Variants in TM9SF3 observed in about 807,000 individuals in gnomAD.
TM9SF3 encodes transmembrane 9 superfamily member 3.
TM9SF3 carries 14 observed loss-of-function variants against 78.6 expected under a neutral mutation model. That is an observed-to-expected ratio of 0.18 (90% confidence interval 0.12 to 0.28). The LOEUF is 0.28. Among genes scored for constraint, TM9SF3 ranks in the 10% least tolerant of loss-of-function variants. The pLI is 1.00. For synonymous variants in TM9SF3, 231 were observed against 241.7 expected (o/e 0.96, Z 0.41); for missense variants, 496 against 721.9 (o/e 0.69, Z 3.59).
intron 2 of TM9SF3, among the ~76,000 whole-genome samples, chr10:96,566,859 G>A (rs1441500205): frequency 1.3e-5 from 2 of 152,160 alleles, no homozygotes; most frequent in African/African-American, 4.8e-5. Context: ...AAGGTAGCAG[G>A]CAACTGCAGC....
At chr10:96,530,933 A>G (rs1437736153) in intron 10 of TM9SF3, among the ~76,000 whole-genome samples, 1 of 152,224 alleles carries the variant, frequency 6.6e-6, no homozygotes, top group African/African-American at 2.4e-5. Flanking sequence ...TTAGAACTCT[A>G]CAGGCATTTA....
At chr10:96,572,238 A>T (rs1402118416) in intron 2 of TM9SF3, among the ~76,000 whole-genome samples, 2 of 152,150 alleles carry the variant, frequency 1.3e-5, no homozygotes, top group East Asian at 3.8e-4. Context: ...AATGCTCTAC[A>T]TGCATTCTCA....
At position 96,518,893 on chromosome 10, in the gene TM9SF3, T is replaced by C. The variant is rs1847726236; in HGVS notation, c.*3370A>G. On this transcript the variant is annotated 3_prime_UTR_variant, in exon 15 of 15. Transcript: ENST00000371142. ...TTTTAGTGAAGATATAAAACATTAA[T>C]GAATACTTGTGTTTTAATACATCAC... 1 of 152,088 alleles carries C rather than the reference T, an allele frequency of 6.6e-6. No individual in the cohort carries two copies. The highest frequency in any genetic ancestry group is 2.1e-4 in the South Asian group (1 of 4,832). 9.4% of individuals were successfully genotyped at this position (152,088 alleles called of 1,614,324 possible).
intron 9 of TM9SF3, among the ~76,000 whole-genome samples, chr10:96,535,554 G>A (rs541691846): frequency 3.7e-4 from 57 of 152,020 alleles, no homozygotes; most frequent in African/African-American, 1.3e-3. Flanking sequence ...TTTCTATCTG[G>A]GCTTCCACAT....
Position 96,544,179 on chromosome 10 carries a change from A to G in TM9SF3, c.1082T>C (p.Ile361Thr), listed in dbSNP as rs199687837. 3 of 1,609,254 alleles carry G rather than the reference A, an allele frequency of 1.9e-6. No homozygotes were observed. The highest frequency in any genetic ancestry group is 8.5e-7 in the Non-Finnish European group (1 of 1,177,696). The change falls in exon 9 of 15, where the codon ATT becomes ACT. Residue 361 changes from isoleucine to threonine, a missense_variant. Transcript: ENST00000371142. The stretch of plus-strand genomic sequence containing the variant: ...CATAGCTGGGATAAGGAATGCCCCA[A>G]TAAACATCTGCTTTATCCATCTCCT... ...GGRRWIKQMF[I>T]GAFLIPAMVC...
chr10:96,584,076 C>A (rs1451810966), intron 1 of TM9SF3, among the ~76,000 whole-genome samples: 2 of 152,016 alleles, frequency 1.3e-5, no homozygotes, highest in African/African-American at 4.8e-5. Flanking sequence ...CAGTGCATAG[C>A]CCATTTTACT....
Position 96,541,117 on chromosome 10 carries a change from C to T in TM9SF3, c.1185+2959G>A, listed in dbSNP as rs540050085. Reference sequence around the variant, plus strand: ...GGTGATTAGTTCCCATGCTAACCTGCCTCTGTGAGTTTTAAAACTCTGTAA... The same window carrying T: ...GGTGATTAGTTCCCATGCTAACCTGTCTCTGTGAGTTTTAAAACTCTGTAA... On this transcript the variant is annotated intron_variant, in intron 9 of 14. Coordinates refer to ENST00000371142, the MANE Select transcript of TM9SF3 (RefSeq NM_020123.4). 3.9e-5 allele frequency among the ~76,000 whole-genome samples: 6 copies of T among 152,126 alleles called. No individual in the cohort carries two copies. In the East Asian group the frequency reaches 1.2e-3, roughly 29 times the overall value.
intron 3 of TM9SF3, among the ~76,000 whole-genome samples, chr10:96,563,310 A>C (rs533891532): frequency 1.1e-4 from 16 of 152,256 alleles, no homozygotes; most frequent in African/African-American, 3.1e-4. Flanking sequence ...TCCTGGCCTT[A>C]GCTTCTCAAA....
chr10:96,563,810 G>A (rs912249801), intron 3 of TM9SF3, among the ~76,000 whole-genome samples: 3 of 151,646 alleles, frequency 2.0e-5, no homozygotes, highest in Non-Finnish European at 2.9e-5. Flanking sequence ...TTTACCCCAC[G>A]AAAAGTCAGG....
At position 96,528,116 on chromosome 10, in the gene TM9SF3, G is replaced by A. The variant is rs935239318; in HGVS notation, c.1456C>T (p.Leu486=). ...ACAATGCACAGGATAACCAGCACCA[G>A]CATCATGAAGCCATAGACATAATAG... is the stretch of plus-strand genomic sequence containing the variant. ...KIYYVYGFMM[L]VLVILCIVTV... Residue 486 remains leucine, a synonymous_variant, in exon 12 of 15, where the codon CTG becomes TTG. Transcript: ENST00000371142. The A allele has an allele frequency of 1.2e-6, 2 of 1,612,830 alleles. No individual in the cohort carries two copies. Among genetic ancestry groups the A allele is most frequent in the African/African-American group, 2.7e-5 (2 of 74,938 alleles).
rs553665521 is a variant in TM9SF3, at chr10:96,535,556, C to T, written c.1186-2366G>A. On this transcript the variant is annotated intron_variant, in intron 9 of 14. Coordinates refer to ENST00000371142, the MANE Select transcript of TM9SF3 (RefSeq NM_020123.4). ...TCCTTGTATCTGTTTTCTATCTGGG[C>T]TTCCACATTATTTTGGAATGAAATT... Among the ~76,000 whole-genome samples, 7 of 152,292 alleles carry T rather than the reference C, an allele frequency of 4.6e-5. No individual in the cohort carries two copies. In the South Asian group the frequency reaches 1.5e-3, roughly 32 times the overall value.
At chr10:96,564,765 A>T (rs1589459185) in intron 3 of TM9SF3, among the ~76,000 whole-genome samples, 1 of 152,332 alleles carries the variant, frequency 6.6e-6, no homozygotes, top group Non-Finnish European at 1.5e-5. Flanking sequence ...AATTTAATCA[A>T]GTCCAACATA....
chr10:96,585,385 A>G (rs1848617810), intron 1 of TM9SF3, among the ~76,000 whole-genome samples: 2 of 152,224 alleles, frequency 1.3e-5, no homozygotes, highest in Non-Finnish European at 2.9e-5. Context: ...AAACTTTGAG[A>G]CAGCTTATCT....
At chr10:96,579,643 C>A (rs1299084562) in intron 1 of TM9SF3, among the ~76,000 whole-genome samples, 1 of 152,154 alleles carries the variant, frequency 6.6e-6, no homozygotes, top group Non-Finnish European at 1.5e-5. Flanking sequence ...GTCTAAGATT[C>A]TTTCTGGGAA....
chr10:96,565,369 G>A lies in TM9SF3; in HGVS notation c.356C>T (p.Ala119Val). 3 of 1,561,778 alleles carry A rather than the reference G, an allele frequency of 1.9e-6. No homozygotes were observed. Among genetic ancestry groups the A allele is most frequent in the East Asian group, 2.5e-5 (1 of 40,748 alleles). ...ATGATTTTTTATGGCATATACAAAT[G>A]CATCTCTCTTTTCTTTATCTAAATC... ...EIDLDKEKRD[A>V]FVYAIKNHYW... Residue 119 changes from alanine (A) to valine (V), a missense_variant, in exon 3 of 15, where the codon GCA becomes GTA. This residue lies in a region of TM9SF3 where 155 missense variants were observed against 241.6 expected (regional missense o/e 0.64). Coordinates refer to ENST00000371142, the MANE Select transcript of TM9SF3 (RefSeq NM_020123.4).
chr10:96,527,674 A>G, intron 12 of TM9SF3, 178 bp from the exon 13 acceptor site: 3 of 562,820 alleles, frequency 5.3e-6, no homozygotes, highest in Non-Finnish European at 9.1e-6. Context: ...TAAGAATTAG[A>G]AAGCTCAATC....
intron 5 of TM9SF3, among the ~76,000 whole-genome samples, chr10:96,553,534 T>C (rs894799314): frequency 3.3e-5 from 5 of 152,176 alleles, no homozygotes; most frequent in East Asian, 1.9e-4. Flanking sequence ...TAAATGTTAG[T>C]TCCCTTCCCC....
At chr10:96,541,876 G>A (rs764786193) in intron 9 of TM9SF3, among the ~76,000 whole-genome samples, 1 of 152,190 alleles carries the variant, frequency 6.6e-6, no homozygotes, top group African/African-American at 2.4e-5. Context: ...CAGACACATG[G>A]CACCTATGGT....
chr10:96,566,370 C>T (rs971661676), intron 2 of TM9SF3, among the ~76,000 whole-genome samples: 3 of 152,076 alleles, frequency 2.0e-5, no homozygotes, highest in African/African-American at 7.2e-5. Context: ...TAAATTGTAG[C>T]TACATCATTT....
Sources: gnomAD v4.1 joint callset for allele counts (sites outside exome capture counted in the v4.1 genomes callset) on GRCh38, gnomAD v4.1.1 for gene constraint, gnomAD v4.1.1 regional missense constraint, MANE v1.5 for transcripts, NCBI Gene and HGNC (gene_info 2026-07-23, HGNC 2026-07-21) for gene names.